ALDH1L1: variants seen among roughly 807,000 people sequenced by gnomAD.
ALDH1L1 encodes cytosolic 10-formyltetrahydrofolate dehydrogenase.
In ALDH1L1, 68 loss-of-function variants were observed where a neutral mutation model predicts 101.1. The ratio of observed to expected loss-of-function variants is 0.67; its 90% CI spans 0.55 to 0.82. The LOEUF is 0.82. ALDH1L1 is among the 40% of genes least tolerant of loss of function. The pLI is 0.00. For synonymous variants in ALDH1L1, 486 were observed against 470.8 expected (o/e 1.03, Z -0.42); for missense variants, 1,087 against 1,172.7 (o/e 0.93, Z 1.07).
At chr3:126,160,794 T>A (rs929958713) in intron 2 of ALDH1L1, 59 bp downstream of exon 2, 2 of 1,591,110 alleles carry the variant, frequency 1.3e-6, no homozygotes, top group Non-Finnish European at 8.6e-7. Context: ...ACTGCTTCCC[T>A]TCTACCTGGA....
At chr3:126,144,101 A>G (rs2080623641) in intron 9 of ALDH1L1, among the ~76,000 whole-genome samples, 1 of 152,198 alleles carries the variant, frequency 6.6e-6, no homozygotes. Flanking sequence ...AAATTAATAA[A>G]ACAATTCCCT....
chr3:126,164,894 T>G (rs2081135479), intron 1 of ALDH1L1, among the ~76,000 whole-genome samples: 1 of 152,188 alleles, frequency 6.6e-6, no homozygotes, highest in African/African-American at 2.4e-5. Context: ...TGTTATTGAC[T>G]TTTTAGTAAT....
In ALDH1L1 at chr3:126,136,784, T is replaced by A. The variant is rs778776034; in HGVS notation, c.1324A>T (p.Ile442Phe). ...DAEGAKTSET[I>F]NPTDGSVICQ... ...CTCACACTTCCATCGGTGGGATTGA[T>A]GGTCTCAGAGGTCTTGGCGCCCTCG... Residue 442 changes from isoleucine to phenylalanine, a missense_variant, in exon 11 of 23, where the codon ATC (isoleucine) becomes TTC (phenylalanine). This residue lies in a region of ALDH1L1 where 645 missense variants were observed against 637.0 expected (regional missense o/e 1.01). Transcript: ENST00000393434. 2.5e-6 allele frequency: 4 copies of A among 1,580,848 alleles called. 1 individual carries two copies. The South Asian group carries it at 4.6e-5, about 18-fold the overall frequency.
upstream of ALDH1L1, among the ~76,000 whole-genome samples, chr3:126,184,036 T>C (rs1165372350): frequency 6.6e-6 from 1 of 152,230 alleles, no homozygotes; most frequent in Non-Finnish European, 1.5e-5. Flanking sequence ...TGCCTTTGAA[T>C]GTAGGCTGAA....
chr3:126,134,768 T>C (rs4646726), intron 12 of ALDH1L1, among the ~76,000 whole-genome samples: 86,678 of 152,108 alleles, frequency 0.57, 25,944 homozygotes, highest in African/African-American at 0.78. Context: ...ACGCCATAAC[T>C]TGGCTTCGCA....
chr3:126,129,703 C>G (rs1167994949), intron 14 of ALDH1L1: 1 of 152,336 alleles, frequency 6.6e-6, no homozygotes, highest in Non-Finnish European at 1.5e-5. Flanking sequence ...TGCCCAGTTT[C>G]CTCTAGCAGG....
intron 19 of ALDH1L1, among the ~76,000 whole-genome samples, chr3:126,111,042 C>T (rs1009941220): frequency 2.6e-5 from 4 of 152,334 alleles, no homozygotes; most frequent in African/African-American, 9.6e-5. Context: ...CGCAGTCACA[C>T]TCCCCCCATG....
At chr3:126,119,275 C>T (rs185307336) in intron 16 of ALDH1L1, among the ~76,000 whole-genome samples, 28 of 152,340 alleles carry the variant, frequency 1.8e-4, no homozygotes, top group African/African-American at 6.3e-4. Context: ...ATCCATTGGT[C>T]ACTCCTCTGC....
intron 1 of ALDH1L1, among the ~76,000 whole-genome samples, chr3:126,162,853 G>C (rs1248849460): frequency 2.6e-5 from 4 of 152,122 alleles, no homozygotes. Flanking sequence ...CTCTGGAACT[G>C]ATTTTTTCAT....
intron 2 of ALDH1L1, 105 bp downstream of exon 2, chr3:126,160,748 C>T: frequency 6.6e-7 from 1 of 1,508,852 alleles, no homozygotes; most frequent in Non-Finnish European, 8.9e-7. Context: ...AGCTAGAGCA[C>T]AGGCCCTGCA....
At chr3:126,189,997 C>T (rs1449818489) in intron 1 of ALDH1L1, among the ~76,000 whole-genome samples, 1 of 152,156 alleles carries the variant, frequency 6.6e-6, no homozygotes, top group Non-Finnish European at 1.5e-5. Flanking sequence ...GTTTGCAATA[C>T]CTTGTTTAAC....
chr3:126,137,670 G>T, intron 10 of ALDH1L1, 143 bp downstream of exon 10: 1 of 1,194,356 alleles, frequency 8.4e-7, no homozygotes, highest in Non-Finnish European at 1.2e-6. Context: ...CCCGGGTGCA[G>T]GGAGAGTGTG....
At position 126,118,058 on chromosome 3, in the gene ALDH1L1, C is replaced by A; in HGVS notation, c.1929G>T (p.Val643=). The A allele has an allele frequency of 6.2e-7, 1 of 1,614,076 alleles. No individual in the cohort carries two copies. The highest frequency in any genetic ancestry group is 8.5e-7 in the Non-Finnish European group (1 of 1,180,020). ...TGGAGCCTGTGAACCCGATTTTCCT[C>A]ACATCAGGATGGTCTGAGAGTCTCT... ...VGQRLSDHPD[V]RKIGFTGSTE... Residue 643 remains valine (V), a synonymous_variant, in exon 17 of 23, where the codon GTG becomes GTT. Transcript: ENST00000393434.
At chr3:126,157,600 A>G in intron 3 of ALDH1L1, 92 bp from the exon 4 acceptor site, 1 of 1,423,166 alleles carries the variant, frequency 7.0e-7, no homozygotes, top group South Asian at 1.4e-5. Flanking sequence ...ACCCTCCAGG[A>G]GGCCCTCTCT....
upstream of ALDH1L1, among the ~76,000 whole-genome samples, chr3:126,186,498 A>C (rs537795242): frequency 4.9e-4 from 32 of 65,528 alleles, no homozygotes; most frequent in African/African-American, 1.2e-3. Flanking sequence ...CCTGAACCTG[A>C]CCCTGACCCT....
At chr3:126,104,253 C>T in intron 22 of ALDH1L1, 1 of 232,262 alleles carries the variant, frequency 4.3e-6, no homozygotes, top group Non-Finnish European at 8.5e-6. Flanking sequence ...CTCGCAGGGC[C>T]CTGAGGCCCC....
intron 14 of ALDH1L1, among the ~76,000 whole-genome samples, chr3:126,127,375 C>CAACCACCCCATGGTTCT (rs2108226508): frequency 6.6e-6 from 1 of 152,334 alleles, no homozygotes; most frequent in Admixed American, 6.5e-5. Flanking sequence ...TCCAGTGAGA[C>CAACCACCCCATGGTTCT]AACCACCCCA....
Position 126,114,602 on chromosome 3 carries a change from G to A in ALDH1L1, c.2037C>T (p.Pro679=). Reference sequence around the variant, plus strand: ...GGTCACAGTCAGCAAAGATGATGAGGGGTGACTTCCCGCCCAGTTCCAGGG... The same window carrying A: ...GGTCACAGTCAGCAAAGATGATGAGAGGTGACTTCCCGCCCAGTTCCAGGG... ...KVSLELGGKS[P]LIIFADCDLN... Residue 679 remains proline, a synonymous_variant, in exon 18 of 23, where the codon CCC becomes CCT. Transcript: ENST00000393434. The A allele has an allele frequency of 6.6e-7, 1 of 1,512,536 alleles. No homozygotes were observed. The highest frequency in any genetic ancestry group is 2.3e-5 in the Admixed American group (1 of 44,074). The allele number at this position is 1,512,536 out of a possible 1,614,324, so 93.7% of individuals were successfully genotyped here. A position where few individuals can be genotyped will look rare whatever the true frequency, so the allele number is the denominator to read the frequency against.
chr3:126,159,378 C>T, intron 2 of ALDH1L1: 1 of 455,834 alleles, frequency 2.2e-6, no homozygotes, highest in Admixed American at 2.4e-5. Context: ...TTATCTTAGC[C>T]TTACAGTGGC....
Sources: gnomAD v4.1 joint callset for allele counts (sites outside exome capture counted in the v4.1 genomes callset) on GRCh38, gnomAD v4.1.1 for gene constraint, gnomAD v4.1.1 regional missense constraint, MANE v1.5 for transcripts, NCBI Gene and HGNC (gene_info 2026-07-23, HGNC 2026-07-21) for gene names.